The following RAB3C variants were observed in gnomAD, a reference collection of about 807,000 sequenced individuals.
RAB3C encodes RAB3C, member RAS oncogene family, also known as ras-related protein Rab-3C.
Under a neutral mutation model 26.4 loss-of-function variants are expected in RAB3C, and 17 were observed. The observed-to-expected ratio is 0.64, with a 90% confidence interval of 0.44 to 0.97. The LOEUF (loss-of-function observed/expected upper bound fraction) is 0.97, where lower values mean the gene tolerates loss of function less well. Ranked by LOEUF, RAB3C falls within the 50% of genes least tolerant of loss-of-function variation. RAB3C has a pLI of 0.00. For synonymous variants in RAB3C, 91 were observed against 95.9 expected (o/e 0.95, Z 0.30); for missense variants, 242 against 281.9 (o/e 0.86, Z 1.01).
At chr5:58,760,681 A>G (rs1363424604) in intron 3 of RAB3C, among the ~76,000 whole-genome samples, 1 of 152,214 alleles carries the variant, frequency 6.6e-6, no homozygotes, top group Non-Finnish European at 1.5e-5. Context: ...ACTCTGATAA[A>G]AATGAAAAAT....
intron 2 of RAB3C, among the ~76,000 whole-genome samples, chr5:58,710,790 C>A (rs1029102872): frequency 1.3e-5 from 2 of 152,138 alleles, no homozygotes; most frequent in Admixed American, 6.5e-5. Flanking sequence ...CTCGCTCTCT[C>A]TATGGCGTAC....
chr5:58,666,491 T>A (rs993470437), intron 2 of RAB3C, among the ~76,000 whole-genome samples: 16 of 152,172 alleles, frequency 1.1e-4, no homozygotes, highest in African/African-American at 3.9e-4. Context: ...CTTGGAGTAT[T>A]TGTTAAAATT....
intron 2 of RAB3C, among the ~76,000 whole-genome samples, chr5:58,654,698 C>T (rs935181469): frequency 1.3e-5 from 2 of 151,934 alleles, no homozygotes; most frequent in African/African-American, 4.8e-5. Context: ...CTTTTTCCCT[C>T]TCTCTCTCTC....
chr5:58,676,797 G>A (rs1237972175), intron 2 of RAB3C, among the ~76,000 whole-genome samples: 2 of 151,958 alleles, frequency 1.3e-5, no homozygotes, highest in East Asian at 3.9e-4. Context: ...GTTTTGTTTT[G>A]TTTTCCTTTG....
chr5:58,780,362 A>C (rs953305775), intron 3 of RAB3C, among the ~76,000 whole-genome samples: 2 of 152,198 alleles, frequency 1.3e-5, no homozygotes, highest in African/African-American at 2.4e-5. Flanking sequence ...TGTGCCTCGC[A>C]ACGCTGAAAG....
intron 2 of RAB3C, among the ~76,000 whole-genome samples, chr5:58,644,666 C>T (rs1747479529): frequency 6.6e-6 from 1 of 152,118 alleles, no homozygotes; most frequent in Non-Finnish European, 1.5e-5. Context: ...AAGAAATGTT[C>T]CCATCCTAAC....
intron 3 of RAB3C, among the ~76,000 whole-genome samples, chr5:58,777,150 CT>C (rs1742161312): frequency 6.6e-6 from 1 of 152,092 alleles, no homozygotes; most frequent in African/African-American, 2.4e-5. Flanking sequence ...AATCCCTATC[CT>C]TGTCACTTCT....
At chr5:58,743,559 C>T (rs1056266580) in intron 3 of RAB3C, among the ~76,000 whole-genome samples, 1 of 152,126 alleles carries the variant, frequency 6.6e-6, no homozygotes, top group African/African-American at 2.4e-5. Context: ...CTCTCCCTCC[C>T]CCTTGGCCCC....
chr5:58,811,453 T>G (rs999210073), intron 3 of RAB3C, among the ~76,000 whole-genome samples: 9 of 151,782 alleles, frequency 5.9e-5, no homozygotes, highest in Admixed American at 5.2e-4. Context: ...TTTGGAAACA[T>G]TTATTGAGAG....
intron 1 of RAB3C, among the ~76,000 whole-genome samples, chr5:58,589,093 C>A (rs1253569811): frequency 1.3e-5 from 2 of 151,962 alleles, no homozygotes; most frequent in Non-Finnish European, 2.9e-5. Context: ...TTATATTGAA[C>A]AAATTTGATT....
intron 2 of RAB3C, 146 bp from the exon 3 acceptor site, chr5:58,725,856 G>T: frequency 2.1e-6 from 1 of 475,684 alleles, no homozygotes. Context: ...AAAATCATTA[G>T]GGGAAACAAG....
intron 2 of RAB3C, among the ~76,000 whole-genome samples, chr5:58,650,769 A>G (rs983217890): frequency 6.6e-6 from 1 of 152,180 alleles, no homozygotes; most frequent in African/African-American, 2.4e-5. Context: ...GATTCCCCCT[A>G]TGAATTACTG....
chr5:58,692,450 G>A (rs1748590253), intron 2 of RAB3C, among the ~76,000 whole-genome samples: 2 of 152,038 alleles, frequency 1.3e-5, no homozygotes, highest in South Asian at 4.2e-4. Flanking sequence ...TTATTTTGAT[G>A]TTAAGCATAA....
intron 3 of RAB3C, among the ~76,000 whole-genome samples, chr5:58,781,860 C>A (rs1389029258): frequency 6.6e-6 from 1 of 152,106 alleles, no homozygotes; most frequent in Admixed American, 6.6e-5. Context: ...CTACCCCAGT[C>A]CCTGACTTTC....
chr5:58,610,418 ATTTT>A (rs574497504), intron 1 of RAB3C, among the ~76,000 whole-genome samples: 3 of 151,042 alleles, frequency 2.0e-5, no homozygotes, highest in African/African-American at 7.3e-5. Flanking sequence ...TCAGGTTTTA[ATTTT>A]TTTTTCTAAT....
chr5:58,791,972 G>A (rs1249170195), intron 3 of RAB3C, among the ~76,000 whole-genome samples: 1 of 152,208 alleles, frequency 6.6e-6, no homozygotes, highest in Non-Finnish European at 1.5e-5. Context: ...ATATTGGCCA[G>A]TAATAACAAT....
chr5:58,641,989 T>G lies in RAB3C; in HGVS notation c.252+24119T>G, dbSNP rs562588071. Reference sequence around the variant, plus strand: ...TTGGGCACATAACATAACTCCCTTGTGCCTCAGTTCTCCTCTAGAAAATAA... The same window carrying G: ...TTGGGCACATAACATAACTCCCTTGGGCCTCAGTTCTCCTCTAGAAAATAA... On this transcript the variant is annotated intron_variant, in intron 2 of 4. Coordinates refer to ENST00000282878, the MANE Select transcript of RAB3C (RefSeq NM_138453.4). Among the ~76,000 whole-genome samples the G allele has an allele frequency of 7.9e-5, 12 of 152,340 alleles. No homozygotes were observed. In the East Asian group the frequency reaches 1.9e-3, roughly 24 times the overall value.
intron 2 of RAB3C, among the ~76,000 whole-genome samples, chr5:58,632,366 T>C (rs1747201246): frequency 6.6e-6 from 1 of 152,172 alleles, no homozygotes; most frequent in South Asian, 2.1e-4. Context: ...AACTGTAGAT[T>C]TTGAACCCCA....
intron 2 of RAB3C, among the ~76,000 whole-genome samples, chr5:58,723,670 A>G (rs1740821970): frequency 6.6e-6 from 1 of 151,768 alleles, no homozygotes; most frequent in Admixed American, 6.6e-5. Context: ...CCCAATAGTG[A>G]CCTTATGAGA....
Sources: gnomAD v4.1 joint callset for allele counts (sites outside exome capture counted in the v4.1 genomes callset) on GRCh38, gnomAD v4.1.1 for gene constraint, MANE v1.5 for transcripts, NCBI Gene and HGNC (gene_info 2026-07-23, HGNC 2026-07-21) for gene names.